Variants in RERG observed in about 807,000 individuals in gnomAD.
RERG encodes ras-related and estrogen-regulated growth inhibitor.
In RERG, 25 loss-of-function variants were observed where a neutral mutation model predicts 23.2. The ratio of observed to expected loss-of-function variants is 1.08; its 90% confidence interval spans 0.79 to 1.50. The LOEUF (loss-of-function observed/expected upper bound fraction) is 1.50, where lower values mean the gene tolerates loss of function less well. RERG is among the 40% of genes most tolerant of loss of function. The pLI, the probability that RERG is intolerant of heterozygous loss-of-function variation, is 0.00. For missense variants in RERG, 253 were observed against 250.1 expected, an observed-to-expected ratio of 1.01 and a Z score of -0.08; for synonymous variants, 81 against 89.1, an observed-to-expected ratio of 0.91 and a Z score of 0.51.
intron 2 of RERG, among the ~76,000 whole-genome samples, chr12:15,138,908 T>C (rs1864187516): frequency 6.6e-6 from 1 of 151,824 alleles, no homozygotes; most frequent in African/African-American, 2.4e-5. Context: ...CTTACCTAGA[T>C]TTTCTCCTAT....
At chr12:15,186,896 A>C (rs1317522015) in intron 2 of RERG, among the ~76,000 whole-genome samples, 1 of 152,190 alleles carries the variant, frequency 6.6e-6, no homozygotes, top group East Asian at 1.9e-4. Context: ...ACTCAGGAAA[A>C]GCTTCTTGTT....
At chr12:15,175,988 A>G (rs1030176926) in intron 2 of RERG, among the ~76,000 whole-genome samples, 16 of 152,212 alleles carry the variant, frequency 1.1e-4, no homozygotes, top group Non-Finnish European at 2.1e-4. Context: ...GAGGTTCAGC[A>G]GTTTTTCCTG....
intron 2 of RERG, among the ~76,000 whole-genome samples, chr12:15,211,646 T>C (rs550845078): frequency 6.6e-5 from 10 of 152,288 alleles, no homozygotes; most frequent in Admixed American, 5.2e-4. Context: ...CAATAATGTA[T>C]TGTGCACTTC....
chr12:15,145,772 T>C (rs1005172286), intron 2 of RERG, among the ~76,000 whole-genome samples: 3 of 152,216 alleles, frequency 2.0e-5, no homozygotes, highest in Non-Finnish European at 4.4e-5. Context: ...GTGGCTGAAT[T>C]GGCCGTAAAC....
At chr12:15,117,371 A>C (rs990991040) in intron 3 of RERG, among the ~76,000 whole-genome samples, 3 of 152,064 alleles carry the variant, frequency 2.0e-5, no homozygotes, top group Non-Finnish European at 4.4e-5. Context: ...GCCAATATTA[A>C]ATAATTAAAT....
chr12:15,166,843 ATTGTT>A (rs1864701810), intron 2 of RERG, among the ~76,000 whole-genome samples: 1 of 146,406 alleles, frequency 6.8e-6, no homozygotes, highest in Admixed American at 6.8e-5. Context: ...CTGACACATT[ATTGTT>A]TTTTGTTTTT....
Position 15,109,077 on chromosome 12 carries a change from T to G in RERG, c.*33A>C. 1 of 1,512,080 alleles carries G rather than the reference T, an allele frequency of 6.6e-7. No homozygotes were observed. The highest frequency in any genetic ancestry group is 8.9e-7 in the Non-Finnish European group (1 of 1,127,952). The allele number at this position is 1,512,080 out of a possible 1,614,324, so 93.7% of individuals were successfully genotyped here. ...AAGGGGAACAGAAGGGGAAGAGTGT[T>G]TCCAATTAGTTGGTCCACCTCAGCT... On this transcript the variant is annotated 3_prime_UTR_variant, in exon 5 of 5. Transcript: ENST00000256953.
intron 2 of RERG, among the ~76,000 whole-genome samples, chr12:15,164,374 C>T (rs780576065): frequency 3.9e-5 from 6 of 152,234 alleles, no homozygotes; most frequent in Non-Finnish European, 8.8e-5. Context: ...CTTCTCTGAA[C>T]CTACTCCCTT....
chr12:15,116,014 C>T lies in RERG; in HGVS notation c.119-4597G>A, dbSNP rs575975330. 3.9e-5 allele frequency among the ~76,000 whole-genome samples: 6 copies of T among 152,284 alleles called. No homozygotes were observed. In the South Asian group the frequency reaches 1.2e-3, roughly 32 times the overall value. On this transcript the variant is annotated intron_variant, in intron 3 of 4. Coordinates refer to ENST00000256953, the MANE Select transcript of RERG (RefSeq NM_032918.3). ...ATTCTCCTAGAATATGTAATCTATA[C>T]ATGGTGTATGCACAGTGATTCGCAA...
chr12:15,147,269 A>T (rs1864350489), intron 2 of RERG, among the ~76,000 whole-genome samples: 1 of 152,216 alleles, frequency 6.6e-6, no homozygotes, highest in South Asian at 2.1e-4. Context: ...TTAGAAATCT[A>T]AATGATTAAA....
At chr12:15,120,982 A>G (rs986406859) in intron 3 of RERG, 81 bp downstream of exon 3, 8 of 1,056,716 alleles carry the variant, frequency 7.6e-6, no homozygotes, top group Non-Finnish European at 1.2e-5. Context: ...GAGCTTAAAA[A>G]TGTTGCAACA....
chr12:15,218,989 G>A (rs775896854), intron 1 of RERG, among the ~76,000 whole-genome samples: 11 of 151,988 alleles, frequency 7.2e-5, no homozygotes, highest in Non-Finnish European at 1.5e-4. Flanking sequence ...TGGTTATACT[G>A]TAGCACAGCC....
At position 15,109,400 on chromosome 12, in the gene RERG, C is replaced by T; in HGVS notation, c.310G>A (p.Glu104Lys). ...EVLPLKNILD[E>K]IKKPKNVTLI... ...GTCACATTCTTGGGCTTTTTGATCT[C>T]ATCTAGGATGTTCTTAAGTGGCAGC... Residue 104 changes from glutamate to lysine, a missense_variant, in exon 5 of 5, where the codon GAG (glutamate) becomes AAG (lysine). Physicochemically the swap from Glu to Lys is moderately conservative, Grantham distance 56. Transcript: ENST00000256953. 1.2e-6 allele frequency: 2 copies of T among 1,614,078 alleles called. No individual in the cohort carries two copies. The highest frequency in any genetic ancestry group is 1.7e-6 in the Non-Finnish European group (2 of 1,180,002).
intron 2 of RERG, among the ~76,000 whole-genome samples, chr12:15,170,660 G>A (rs1419789708): frequency 3.9e-5 from 6 of 152,080 alleles, no homozygotes; most frequent in African/African-American, 1.2e-4. Flanking sequence ...AAGGGCAGCC[G>A]AGCTCGAGGA....
intron 2 of RERG, among the ~76,000 whole-genome samples, chr12:15,200,777 T>G (rs1426982824): frequency 6.6e-6 from 1 of 152,020 alleles, no homozygotes; most frequent in Non-Finnish European, 1.5e-5. Flanking sequence ...TTCCTTAATG[T>G]TGACATGTTA....
chr12:15,167,450 C>T (rs964857106), intron 2 of RERG, among the ~76,000 whole-genome samples: 4 of 152,080 alleles, frequency 2.6e-5, no homozygotes, highest in Admixed American at 1.3e-4. Context: ...ACCCCGGCCC[C>T]GGGGTTTCTG....
At chr12:15,162,479 A>T (rs1864629120) in intron 2 of RERG, among the ~76,000 whole-genome samples, 1 of 152,232 alleles carries the variant, frequency 6.6e-6, no homozygotes, top group Non-Finnish European at 1.5e-5. Flanking sequence ...GACAGGTCCT[A>T]TAGCATTGTT....
At chr12:15,114,406 G>C (rs1863681586) in intron 3 of RERG, 2 of 152,052 alleles carry the variant, frequency 1.3e-5, no homozygotes, top group South Asian at 4.1e-4. Flanking sequence ...AAGTGAACAG[G>C]AAAGAAATAC....
chr12:15,194,635 A>T (rs879771279), intron 2 of RERG, among the ~76,000 whole-genome samples: 6 of 152,080 alleles, frequency 3.9e-5, no homozygotes, highest in Non-Finnish European at 4.4e-5. Flanking sequence ...CTTGGAGCCC[A>T]TCTCTTCCAA....
Sources: gnomAD v4.1 joint callset for allele counts (sites outside exome capture counted in the v4.1 genomes callset) on GRCh38, gnomAD v4.1.1 for gene constraint, MANE v1.5 for transcripts, NCBI Gene and HGNC (gene_info 2026-07-23, HGNC 2026-07-21) for gene names.